Variants in ZNF385D observed in about 807,000 individuals in gnomAD.
ZNF385D encodes zinc finger protein 385D.
In ZNF385D, 15 loss-of-function variants were observed where a neutral mutation model predicts 35.8. The observed-to-expected ratio is 0.42, with a 90% CI of 0.28 to 0.64. ZNF385D has a LOEUF of 0.64. Among genes scored for constraint, ZNF385D ranks in the 30% least tolerant of loss-of-function variants. The pLI, the probability that ZNF385D is intolerant of heterozygous loss-of-function variation, is 0.23. For synonymous variants in ZNF385D, 212 were observed against 186.8 expected (o/e 1.13, Z -1.10); for missense variants, 474 against 494.6 (o/e 0.96, Z 0.39).
intron 3 of ZNF385D, among the ~76,000 whole-genome samples, chr3:22,108,594 C>G (rs1041656671): frequency 6.6e-6 from 1 of 152,162 alleles, no homozygotes; most frequent in Non-Finnish European, 1.5e-5. Context: ...AACTTTGCCA[C>G]TGACTAAGAG....
rs182110885 is a variant in ZNF385D at position 21,999,126 on chromosome 3, C to T, written c.325+169691G>A. ...CATGTAGACATACAGCTATGCACAT[C>T]AGTCAGGTTCACAGAACTGCAGCAT... On this transcript the variant is annotated intron_variant, in intron 3 of 5. Coordinates refer to the ZNF385D transcript ENST00000494108. Among the ~76,000 whole-genome samples, 19 of 152,306 alleles carry T rather than the reference C, an allele frequency of 1.2e-4. No individual in the cohort carries two copies. The East Asian group carries it at 2.7e-3, about 22-fold the overall frequency.
intron 2 of ZNF385D, among the ~76,000 whole-genome samples, chr3:21,589,793 C>T (rs1382080573): frequency 6.6e-6 from 1 of 151,836 alleles, no homozygotes; most frequent in Non-Finnish European, 1.5e-5. Flanking sequence ...CTTTTGGATT[C>T]TACTTTTCAT....
At chr3:21,874,505 G>C (rs1012731775) in intron 3 of ZNF385D, among the ~76,000 whole-genome samples, 2 of 152,094 alleles carry the variant, frequency 1.3e-5, no homozygotes, top group African/African-American at 4.8e-5. Flanking sequence ...TTTTTAGTTA[G>C]ATGTATTCCC....
intron 3 of ZNF385D, among the ~76,000 whole-genome samples, chr3:21,788,293 A>G (rs1206903805): frequency 6.6e-6 from 1 of 152,236 alleles, no homozygotes; most frequent in East Asian, 1.9e-4. Context: ...AGCCTGGCCA[A>G]TGCGGGGAAA....
At chr3:22,216,181 T>C (rs1697871479) in intron 2 of ZNF385D, among the ~76,000 whole-genome samples, 1 of 152,012 alleles carries the variant, frequency 6.6e-6, no homozygotes, top group Admixed American at 6.6e-5. Flanking sequence ...GATCACTTTG[T>C]CTCTCCTTGC....
intron 4 of ZNF385D, among the ~76,000 whole-genome samples, chr3:21,439,121 A>G (rs1390503650): frequency 6.6e-6 from 1 of 152,068 alleles, no homozygotes; most frequent in Non-Finnish European, 1.5e-5. Context: ...ACATACTTAT[A>G]AAATAATTTC....
intron 3 of ZNF385D, among the ~76,000 whole-genome samples, chr3:21,916,293 T>A (rs1487708218): frequency 6.6e-6 from 1 of 152,190 alleles, no homozygotes; most frequent in East Asian, 1.9e-4. Context: ...ATATCATGTA[T>A]ACTTTTTTCT....
chr3:22,189,403 A>G (rs1427451865), intron 2 of ZNF385D, among the ~76,000 whole-genome samples: 1 of 152,118 alleles, frequency 6.6e-6, no homozygotes, highest in African/African-American at 2.4e-5. Context: ...AAATATATAC[A>G]TTGCTAGCCT....
intron 3 of ZNF385D, among the ~76,000 whole-genome samples, chr3:22,136,727 C>T (rs983097525): frequency 6.6e-6 from 1 of 152,034 alleles, no homozygotes; most frequent in African/African-American, 2.4e-5. Context: ...AATTGTGGTA[C>T]ATTCAAAAAA....
chr3:22,040,035 G>C (rs931534317), intron 3 of ZNF385D, among the ~76,000 whole-genome samples: 1 of 152,076 alleles, frequency 6.6e-6, no homozygotes, highest in Non-Finnish European at 1.5e-5. Context: ...GCCTCAACCT[G>C]GCCATGCATT....
chr3:21,983,490 G>T (rs1471477689), intron 3 of ZNF385D, among the ~76,000 whole-genome samples: 2 of 129,078 alleles, frequency 1.5e-5, no homozygotes, highest in African/African-American at 5.7e-5. Flanking sequence ...CAAAGGACAT[G>T]AACTCATCAT....
At chr3:21,761,137 T>A (rs1023019480) in intron 3 of ZNF385D, among the ~76,000 whole-genome samples, 2 of 152,136 alleles carry the variant, frequency 1.3e-5, no homozygotes, top group African/African-American at 4.8e-5. Flanking sequence ...AGTACCAACT[T>A]GCCATGTATG....
At chr3:22,176,651 C>G (rs1694849307) in intron 2 of ZNF385D, among the ~76,000 whole-genome samples, 1 of 152,134 alleles carries the variant, frequency 6.6e-6, no homozygotes, top group Non-Finnish European at 1.5e-5. Context: ...CAGAATGGAA[C>G]TTTTAAATGC....
chr3:21,921,195 C>T (rs1488615526), intron 3 of ZNF385D, among the ~76,000 whole-genome samples: 2 of 130,226 alleles, frequency 1.5e-5, no homozygotes, highest in African/African-American at 5.9e-5. Flanking sequence ...CGCACTCCAG[C>T]CTGGGCGACA....
rs553075515 is a variant in ZNF385D at position 21,898,562 on chromosome 3, T to C, written c.326-233534A>G. ...AAAAGAACTAAAGTAGATAGATATA[T>C]TATAACTTCCAATTTACCAGAAGTT... is the stretch of plus-strand genomic sequence containing the variant. On this transcript the variant is annotated intron_variant, in intron 3 of 5. Coordinates refer to the ZNF385D transcript ENST00000494108. Among the ~76,000 whole-genome samples the C allele has an allele frequency of 2.3e-4, 35 of 152,270 alleles. No individual in the cohort carries two copies. In the South Asian group the frequency reaches 6.4e-3, roughly 28 times the overall value.
chr3:22,068,685 T>A (rs554041904), intron 3 of ZNF385D, among the ~76,000 whole-genome samples: 2 of 152,366 alleles, frequency 1.3e-5, no homozygotes, highest in East Asian at 3.9e-4. Flanking sequence ...GTGAAAGGCC[T>A]AATTCTCATA....
rs1047044406 is a variant in ZNF385D, at chr3:21,465,691, T to C, written c.440-28488A>G. Among the ~76,000 whole-genome samples, 1 of 152,234 alleles carries C rather than the reference T, an allele frequency of 6.6e-6. No homozygotes were observed. Among genetic ancestry groups the C allele is most frequent in the Non-Finnish European group, 1.5e-5 (1 of 68,040 alleles). On this transcript the variant is annotated intron_variant, in intron 4 of 7. Coordinates refer to ENST00000281523, the MANE Select transcript of ZNF385D (RefSeq NM_024697.3). The surrounding 1 kb of genome is among the most constrained non-coding windows in gnomAD (Gnocchi z 4.2). Reference sequence around the variant, plus strand: ...TCTTTCCTGGCTCTGCTTCTTCCTTTCCTGTGAAAATTCACCTGTGTGAAT... The same window carrying C: ...TCTTTCCTGGCTCTGCTTCTTCCTTCCCTGTGAAAATTCACCTGTGTGAAT...
At chr3:22,221,242 A>T (rs1284760471) in intron 2 of ZNF385D, among the ~76,000 whole-genome samples, 1 of 152,116 alleles carries the variant, frequency 6.6e-6, no homozygotes, top group Non-Finnish European at 1.5e-5. Context: ...GTGTATATAC[A>T]CCTAATGTCT....
chr3:22,136,312 T>C (rs1187351772), intron 3 of ZNF385D, among the ~76,000 whole-genome samples: 3 of 151,964 alleles, frequency 2.0e-5, no homozygotes, highest in Non-Finnish European at 4.4e-5. Flanking sequence ...CGCTTGAACC[T>C]GGGAGGCAGA....
Sources: allele counts gnomAD v4.1 joint callset (sites outside exome capture counted in the v4.1 genomes callset), GRCh38; gene constraint gnomAD v4.1.1; non-coding constraint Gnocchi (gnomAD v3.1); transcripts MANE v1.5; gene names NCBI Gene and HGNC (gene_info 2026-07-23, HGNC 2026-07-21).